Variants in TPD52L1 observed in about 807,000 individuals in gnomAD.
TPD52L1 encodes the protein tumor protein D53.
A neutral mutation model predicts 28.7 loss-of-function variants in TPD52L1; 18 were observed. The observed-to-expected ratio is 0.63, with a 90% confidence interval of 0.43 to 0.93. The LOEUF is 0.93. Among genes scored for constraint, TPD52L1 ranks in the 40% least tolerant of loss-of-function variants. The probability of loss-of-function intolerance (pLI) is 0.00; values close to 1 mark genes in which losing one functional copy is unlikely to be tolerated. For synonymous variants in TPD52L1, 75 were observed against 88.8 expected (o/e 0.84, Z 0.88); for missense variants, 203 against 254.8 (o/e 0.80, Z 1.39).
At chr6:125,212,621 C>G (rs1323556166) in intron 1 of TPD52L1, among the ~76,000 whole-genome samples, 1 of 152,226 alleles carries the variant, frequency 6.6e-6, no homozygotes, top group African/African-American at 2.4e-5. Context: ...ATTTTGCCTA[C>G]ATTCTTCAGA....
At chr6:125,189,256 A>G (rs768358419) in intron 1 of TPD52L1, among the ~76,000 whole-genome samples, 2 of 152,336 alleles carry the variant, frequency 1.3e-5, no homozygotes, top group East Asian at 3.9e-4. Flanking sequence ...AGTTGGGCAT[A>G]TTGACTACTT....
intron 1 of TPD52L1, among the ~76,000 whole-genome samples, chr6:125,165,502 T>G (rs1054533195): frequency 6.6e-6 from 1 of 152,192 alleles, no homozygotes; most frequent in Non-Finnish European, 1.5e-5. Context: ...ATACCCTTAG[T>G]CACCAACATA....
At chr6:125,240,084 T>C (rs1796527903) in intron 3 of TPD52L1, among the ~76,000 whole-genome samples, 1 of 152,180 alleles carries the variant, frequency 6.6e-6, no homozygotes, top group African/African-American at 2.4e-5. Context: ...GAATAGGGTG[T>C]CCTTTCCCCA....
intron 3 of TPD52L1, among the ~76,000 whole-genome samples, chr6:125,233,287 T>A (rs1796061434): frequency 6.6e-6 from 1 of 152,184 alleles, no homozygotes; most frequent in African/African-American, 2.4e-5. Context: ...AAACGCACAG[T>A]GCTCAAAAAT....
chr6:125,198,499 CT>C (rs2114887614), intron 1 of TPD52L1, among the ~76,000 whole-genome samples: 1 of 152,316 alleles, frequency 6.6e-6, no homozygotes, highest in African/African-American at 2.4e-5. Context: ...ACATGACCAG[CT>C]TCCAAAGCTG....
chr6:125,239,575 C>G (rs549035340), intron 3 of TPD52L1, among the ~76,000 whole-genome samples: 86 of 152,274 alleles, frequency 5.6e-4, no homozygotes, highest in African/African-American at 2.0e-3. Flanking sequence ...CCCACCAGGT[C>G]CCTCCCACAA....
At chr6:125,226,654 C>G (rs1291580377) in intron 2 of TPD52L1, among the ~76,000 whole-genome samples, 1 of 151,784 alleles carries the variant, frequency 6.6e-6, no homozygotes, top group Non-Finnish European at 1.5e-5. Context: ...TACTGTAACA[C>G]TCAATATACC....
At chr6:125,245,277 T>G (rs1796860284) in intron 3 of TPD52L1, among the ~76,000 whole-genome samples, 1 of 152,152 alleles carries the variant, frequency 6.6e-6, no homozygotes, top group Admixed American at 6.5e-5. Context: ...TAGCTGTTCT[T>G]TTCTTCTTCC....
intron 2 of TPD52L1, among the ~76,000 whole-genome samples, chr6:125,228,906 C>T (rs1389031369): frequency 6.6e-6 from 1 of 151,768 alleles, no homozygotes; most frequent in Non-Finnish European, 1.5e-5. Context: ...TAACAAGCAG[C>T]ATAAATTACT....
rs1796893230 is a variant in TPD52L1 at position 125,245,865 on chromosome 6, T to C, written c.285-2417T>C. Among the ~76,000 whole-genome samples, 5 of 152,220 alleles carry C rather than the reference T, an allele frequency of 3.3e-5. No homozygotes were observed. The South Asian group carries it at 1.0e-3, about 31-fold the overall frequency. ...CCTGCTGAGAAAGCAAGCACAGCTT[T>C]CAGGCCTCGCCCCTACCTGTCTGCC... On this transcript the variant is annotated intron_variant, in intron 3 of 6. Coordinates refer to ENST00000534000, the MANE Select transcript of TPD52L1 (RefSeq NM_003287.4).
At chr6:125,233,416 T>G (rs867074485) in intron 3 of TPD52L1, among the ~76,000 whole-genome samples, 2 of 152,266 alleles carry the variant, frequency 1.3e-5, no homozygotes, top group Middle Eastern at 3.4e-3. Flanking sequence ...GTAGCACTAT[T>G]GAGTTCAGGA....
rs1795664016 is a variant in TPD52L1, at chr6:125,227,206, A to G, written c.136-1912A>G. Among the ~76,000 whole-genome samples, 3 of 152,200 alleles carry G rather than the reference A, an allele frequency of 2.0e-5. No individual in the cohort carries two copies. The South Asian group carries it at 6.2e-4, about 31-fold the overall frequency. ...ATATTAAAAACCCCAAGATATTGCTACTTCTTACTGTGGTATTTAAGATGC... is the reference window on the plus strand; with the variant it reads ...ATATTAAAAACCCCAAGATATTGCTGCTTCTTACTGTGGTATTTAAGATGC... On this transcript the variant is annotated intron_variant, in intron 2 of 6. Transcript: ENST00000534000.
chr6:125,261,959 TCA>T (rs936537829), intron 6 of TPD52L1: 3 of 152,216 alleles, frequency 2.0e-5, no homozygotes, highest in South Asian at 2.1e-4. Flanking sequence ...TTTAATTGAC[TCA>T]CAGTTCCACA....
At chr6:125,253,548 A>G (rs2115050327) in intron 4 of TPD52L1, 169 bp from the exon 5 acceptor site, 4 of 619,972 alleles carry the variant, frequency 6.5e-6, no homozygotes, top group South Asian at 6.2e-5. Flanking sequence ...AAAGCTGACT[A>G]TACCCATTAT....
chr6:125,203,720 T>G lies in TPD52L1; in HGVS notation c.20-16358T>G, dbSNP rs900591149. 3 of 985,324 alleles carry G rather than the reference T, an allele frequency of 3.0e-6. No homozygotes were observed. In the African/African-American group the frequency reaches 5.2e-5, roughly 17 times the overall value. 61.0% of individuals were successfully genotyped at this position (985,324 alleles called of 1,614,324 possible). ...GAGCAGCTCACTCTTTGGTTGAGAA[T>G]CCAGTTGGCTCCCCTGGAGTGAAGT... On this transcript the variant is annotated intron_variant, in intron 1 of 6. Transcript: ENST00000534000.
intron 3 of TPD52L1, among the ~76,000 whole-genome samples, chr6:125,245,745 A>G (rs948613360): frequency 5.3e-5 from 8 of 152,200 alleles, no homozygotes; most frequent in Non-Finnish European, 1.2e-4. Flanking sequence ...TGGCGAGGCC[A>G]GTCTCACTCC....
chr6:125,250,703 A>G (rs148596828), intron 4 of TPD52L1, among the ~76,000 whole-genome samples: 1 of 152,322 alleles, frequency 6.6e-6, no homozygotes, highest in East Asian at 1.9e-4. Context: ...TTCAAACACT[A>G]ATTGGGTACA....
At chr6:125,206,141 A>G (rs1794117900) in intron 1 of TPD52L1, among the ~76,000 whole-genome samples, 1 of 152,186 alleles carries the variant, frequency 6.6e-6, no homozygotes, top group Admixed American at 6.5e-5. Flanking sequence ...CCACATTATT[A>G]ATGAAACCAA....
intron 1 of TPD52L1, among the ~76,000 whole-genome samples, chr6:125,163,996 C>CAGATGATGA (rs1337151261): frequency 1.7e-4 from 26 of 151,466 alleles, no homozygotes; most frequent in African/African-American, 6.1e-4. Context: ...TTTGGTTTTA[C>CAGATGATGA]AGATGATGAA....
Sources: gnomAD v4.1 joint callset for allele counts (sites outside exome capture counted in the v4.1 genomes callset) on GRCh38, gnomAD v4.1.1 for gene constraint, MANE v1.5 for transcripts, NCBI Gene and HGNC (gene_info 2026-07-23, HGNC 2026-07-21) for gene names.